Variants in NDUFA10 observed in about 807,000 individuals in gnomAD.
NDUFA10 encodes NADH:ubiquinone oxidoreductase subunit A10, also known as NADH dehydrogenase [ubiquinone] 1 alpha subcomplex subunit 10, mitochondrial.
NDUFA10 carries 40 observed loss-of-function variants against 47.8 expected under a neutral mutation model. The observed-to-expected ratio is 0.84, with a 90% CI of 0.65 to 1.09. The LOEUF is 1.09. NDUFA10 is among the 50% of genes least tolerant of loss of function. The pLI, the probability that NDUFA10 is intolerant of heterozygous loss-of-function variation, is 0.00. For synonymous variants in NDUFA10, 183 were observed against 172.2 expected (o/e 1.06, Z -0.49); for missense variants, 413 against 451.1 (o/e 0.92, Z 0.76).
chr2:239,948,636 G>A (rs569680758), intron 4 of NDUFA10, among the ~76,000 whole-genome samples: 24 of 152,302 alleles, frequency 1.6e-4, no homozygotes, highest in African/African-American at 5.5e-4. Flanking sequence ...ATCCTGACTC[G>A]AGCCTCCAGC....
intron 8 of NDUFA10, among the ~76,000 whole-genome samples, chr2:239,996,194 C>T (rs897421296): frequency 6.6e-6 from 1 of 152,144 alleles, no homozygotes; most frequent in Non-Finnish European, 1.5e-5. Flanking sequence ...CACCGTCAAT[C>T]GGCTCGATCT....
intron 4 of NDUFA10, among the ~76,000 whole-genome samples, chr2:239,909,064 A>ACC (rs1269575805): frequency 1.3e-5 from 2 of 151,982 alleles, no homozygotes; most frequent in Non-Finnish European, 2.9e-5. Flanking sequence ...TCCTCGTGTC[A>ACC]CCCCACTGCC....
intron 7 of NDUFA10, among the ~76,000 whole-genome samples, chr2:240,006,546 T>C (rs890911917): frequency 2.0e-5 from 3 of 152,214 alleles, no homozygotes; most frequent in African/African-American, 4.8e-5. Flanking sequence ...TCCTGAAACT[T>C]GTATTTTCTT....
At chr2:239,997,228 A>C (rs1245278383) in intron 8 of NDUFA10, among the ~76,000 whole-genome samples, 1 of 152,126 alleles carries the variant, frequency 6.6e-6, no homozygotes, top group Non-Finnish European at 1.5e-5. Context: ...AAGCCTAAAG[A>C]AAGCAGAGAA....
chr2:239,973,327 C>T (rs1010672873), intron 9 of NDUFA10, among the ~76,000 whole-genome samples: 1 of 152,040 alleles, frequency 6.6e-6, no homozygotes, highest in Non-Finnish European at 1.5e-5. Context: ...TTCCGTCTCC[C>T]GCATGTTTAG....
chr2:239,949,369 G>A (rs546268696), intron 4 of NDUFA10, among the ~76,000 whole-genome samples: 27 of 152,282 alleles, frequency 1.8e-4, no homozygotes, highest in Admixed American at 2.6e-4. Flanking sequence ...TGTATCTGTG[G>A]GGGATGAGAT....
chr2:240,021,660 G>A (rs374390384), intron 2 of NDUFA10, among the ~76,000 whole-genome samples: 1 of 152,204 alleles, frequency 6.6e-6, no homozygotes, highest in Admixed American at 6.5e-5. Flanking sequence ...TGAAAGGACT[G>A]CTCCCTGTAA....
In NDUFA10 at chr2:240,021,463, G is replaced by A. The variant is rs368591634; in HGVS notation, c.245-51C>T. The A allele has an allele frequency of 3.4e-5, 52 of 1,532,288 alleles. No individual in the cohort carries two copies. In the African/African-American group the frequency reaches 3.4e-4, roughly 10 times the overall value. The allele number at this position is 1,532,288 out of a possible 1,614,324, so 94.9% of individuals were successfully genotyped here. ...GTCTGATGCACATCACTCACTCCCC[G>A]CAGGGAGCAGTGGGGACTAGCCAAA... On this transcript the variant is annotated intron_variant, in intron 2 of 9. Transcript: ENST00000252711.
chr2:239,907,840 A>G (rs1392482942), intron 4 of NDUFA10, among the ~76,000 whole-genome samples: 7 of 152,172 alleles, frequency 4.6e-5, no homozygotes, highest in Non-Finnish European at 5.9e-5. Flanking sequence ...ACAGTGTGGC[A>G]ATTCCTCAAG....
chr2:240,002,175 C>CA (rs2106464960), intron 8 of NDUFA10, among the ~76,000 whole-genome samples: 1 of 151,978 alleles, frequency 6.6e-6, no homozygotes, highest in East Asian at 1.9e-4. Context: ...ACTAAAAATA[C>CA]AAAAAATTAG....
chr2:239,948,112 A>G (rs935037840), intron 4 of NDUFA10, among the ~76,000 whole-genome samples: 3 of 137,982 alleles, frequency 2.2e-5, no homozygotes, highest in South Asian at 2.2e-4. Context: ...AGGTTCAGTT[A>G]ACGGCAGCAA....
intron 4 of NDUFA10, among the ~76,000 whole-genome samples, chr2:239,914,594 T>C (rs62649973): frequency 0.093 from 10,491 of 113,384 alleles, 1,123 homozygotes; most frequent in African/African-American, 0.12. Context: ...CATACATACA[T>C]AGACACACAC....
chr2:239,919,353 C>A (rs1427788104), intron 4 of NDUFA10, among the ~76,000 whole-genome samples: 3 of 152,140 alleles, frequency 2.0e-5, no homozygotes, highest in Non-Finnish European at 2.9e-5. Flanking sequence ...TCACTCTCTG[C>A]CCCTCCCTGT....
chr2:239,913,540 CT>C (rs1463841686), intron 4 of NDUFA10, among the ~76,000 whole-genome samples: 4 of 152,210 alleles, frequency 2.6e-5, no homozygotes, highest in East Asian at 3.9e-4. Flanking sequence ...GATTCTCCCC[CT>C]GGGGCTGTCT....
downstream of NDUFA10, among the ~76,000 whole-genome samples, chr2:239,956,602 C>G (rs923649380): frequency 2.6e-5 from 4 of 152,202 alleles, no homozygotes; most frequent in Non-Finnish European, 5.9e-5. Context: ...GCACCAAGCT[C>G]ACCTTGTCCC....
chr2:240,024,660 G>C (rs780465400), intron 1 of NDUFA10, among the ~76,000 whole-genome samples: 3 of 152,248 alleles, frequency 2.0e-5, no homozygotes, highest in Non-Finnish European at 4.4e-5. Flanking sequence ...GCATTAGGTA[G>C]AAGGATCCCA....
At chr2:239,999,998 T>C (rs1696639478) in intron 8 of NDUFA10, among the ~76,000 whole-genome samples, 1 of 152,268 alleles carries the variant, frequency 6.6e-6, no homozygotes, top group Non-Finnish European at 1.5e-5. Context: ...GCTCAGCGCA[T>C]GACTCCCGTG....
chr2:240,015,176 C>G (rs4149543), intron 4 of NDUFA10, among the ~76,000 whole-genome samples: 1 of 152,084 alleles, frequency 6.6e-6, no homozygotes, highest in Non-Finnish European at 1.5e-5. Context: ...CAGAGTAAAA[C>G]AGCAGCATTT....
Position 239,960,722 on chromosome 2 carries a change from G to C in NDUFA10, c.*396C>G, listed in dbSNP as rs73103629. 2,899 of 1,184,540 alleles carry C rather than the reference G, an allele frequency of 2.4e-3. 48 individuals are homozygous for C. The African/African-American group carries it at 0.042, about 17-fold the overall frequency. 73.4% of individuals were successfully genotyped at this position (1,184,540 alleles called of 1,614,324 possible). Reference sequence around the variant, plus strand: ...GTTTCGACGTGCCCGCACGCACATAGACGTACGATGGGGAAATTCCCATGG... The same window carrying C: ...GTTTCGACGTGCCCGCACGCACATACACGTACGATGGGGAAATTCCCATGG... On this transcript the variant is annotated 3_prime_UTR_variant, in exon 10 of 10. Transcript: ENST00000252711.
Sources: allele counts gnomAD v4.1 joint callset (sites outside exome capture counted in the v4.1 genomes callset), GRCh38; gene constraint gnomAD v4.1.1; transcripts MANE v1.5; gene names NCBI Gene and HGNC (gene_info 2026-07-23, HGNC 2026-07-21).